Variants in SOX5 observed in about 807,000 individuals in gnomAD.
SOX5 encodes transcription factor SOX-5.
A neutral mutation model predicts 92.0 loss-of-function variants in SOX5; 9 were observed. The ratio of observed to expected loss-of-function variants is 0.10; its 90% CI spans 0.06 to 0.17. SOX5 has a LOEUF of 0.17. Ranked by LOEUF, SOX5 falls within the 10% of genes least tolerant of loss-of-function variation. The probability of loss-of-function intolerance (pLI) is 1.00; values close to 1 mark genes in which losing one functional copy is unlikely to be tolerated. For synonymous variants in SOX5, 344 were observed against 336.3 expected (o/e 1.02, Z -0.25); for missense variants, 642 against 944.5 (o/e 0.68, Z 4.20).
intron 13 of SOX5, among the ~76,000 whole-genome samples, chr12:23,540,041 C>T (rs1941583588): frequency 6.6e-6 from 1 of 151,142 alleles, no homozygotes; most frequent in Non-Finnish European, 1.5e-5. Context: ...TGTTAACTAA[C>T]CCCTGAAACA....
intron 1 of SOX5, among the ~76,000 whole-genome samples, chr12:24,558,753 T>A (rs990835969): frequency 2.0e-5 from 3 of 152,202 alleles, no homozygotes; most frequent in African/African-American, 7.2e-5. Flanking sequence ...TTATTTACGT[T>A]ACATCACACA....
chr12:24,002,765 A>G (rs898883787), intron 4 of SOX5, among the ~76,000 whole-genome samples: 4 of 152,162 alleles, frequency 2.6e-5, no homozygotes, highest in Non-Finnish European at 5.9e-5. Flanking sequence ...AAACAGTACC[A>G]GTTCTTCATA....
chr12:24,024,789 A>T (rs1286806585), intron 4 of SOX5, among the ~76,000 whole-genome samples: 1 of 152,016 alleles, frequency 6.6e-6, no homozygotes, highest in Non-Finnish European at 1.5e-5. Flanking sequence ...TGTAACTCTG[A>T]GTACTCAGAA....
chr12:24,303,004 C>T (rs754649662), intron 2 of SOX5, among the ~76,000 whole-genome samples: 15 of 151,972 alleles, frequency 9.9e-5, no homozygotes, highest in African/African-American at 1.4e-4. Context: ...AATTTAAAAG[C>T]ACACCAAGAT....
chr12:23,853,305 T>C (rs2096653005), intron 2 of SOX5, among the ~76,000 whole-genome samples: 1 of 151,434 alleles, frequency 6.6e-6, no homozygotes, highest in South Asian at 2.1e-4. Flanking sequence ...TTTTTAGAAA[T>C]GCACCAACAT....
intron 1 of SOX5, among the ~76,000 whole-genome samples, chr12:23,935,658 C>T (rs1195832759): frequency 1.3e-5 from 2 of 151,034 alleles, no homozygotes; most frequent in Non-Finnish European, 3.0e-5. Context: ...CACCATCCAG[C>T]ATATCACCTT....
chr12:23,685,576 A>G (rs1178136834), intron 6 of SOX5, among the ~76,000 whole-genome samples: 3 of 152,100 alleles, frequency 2.0e-5, no homozygotes. Flanking sequence ...TTAGTCTAGT[A>G]AGAACCTTAC....
chr12:24,517,708 T>G (rs1394248980), intron 1 of SOX5, among the ~76,000 whole-genome samples: 2 of 151,904 alleles, frequency 1.3e-5, no homozygotes, highest in Admixed American at 6.6e-5. Context: ...TCCATGTTTT[T>G]TTTTTTTTTT....
chr12:23,579,873 A>G (rs1366005041), intron 9 of SOX5, among the ~76,000 whole-genome samples: 1 of 152,134 alleles, frequency 6.6e-6, no homozygotes, highest in Non-Finnish European at 1.5e-5. Flanking sequence ...ACCATCAAGC[A>G]GTGAGCAAAG....
intron 4 of SOX5, among the ~76,000 whole-genome samples, chr12:24,051,490 A>G (rs936913248): frequency 1.3e-5 from 2 of 152,226 alleles, no homozygotes; most frequent in Non-Finnish European, 2.9e-5. Context: ...ATTAAAGAAT[A>G]ATACACCATA....
At chr12:24,044,206 C>T (rs1466004451) in intron 4 of SOX5, among the ~76,000 whole-genome samples, 1 of 152,156 alleles carries the variant, frequency 6.6e-6, no homozygotes, top group Non-Finnish European at 1.5e-5. Context: ...CAATTTTATA[C>T]TAAGAACCTC....
At chr12:24,160,111 A>G (rs996824012) in intron 4 of SOX5, among the ~76,000 whole-genome samples, 4 of 152,018 alleles carry the variant, frequency 2.6e-5, no homozygotes, top group African/African-American at 7.2e-5. Context: ...ACATGCCACT[A>G]TTTTCTGTTA....
Position 23,846,056 on chromosome 12 carries a change from C to T in SOX5, c.408G>A (p.Lys136=). 1 of 1,614,176 alleles carries T rather than the reference C, an allele frequency of 6.2e-7. No individual in the cohort carries two copies. The highest frequency in any genetic ancestry group is 8.5e-7 in the Non-Finnish European group (1 of 1,180,016). ...STALGTPERR[K]GSLADVVDTL... is the part of the protein sequence containing the mutation. ...TGTCAACAACATCAGCTAAACTGCC[C>T]TTGCGCCGTTCAGGAGTTCCCAGGG... The change falls in exon 3 of 15, where the codon AAG becomes AAA. Residue 136 remains lysine (K), a synonymous_variant. Coordinates refer to ENST00000451604, the MANE Select transcript of SOX5 (RefSeq NM_006940.6).
chr12:24,229,788 G>A (rs1433048966), intron 3 of SOX5, among the ~76,000 whole-genome samples: 1 of 152,116 alleles, frequency 6.6e-6, no homozygotes, highest in Non-Finnish European at 1.5e-5. Flanking sequence ...AGGCTGGGCA[G>A]GAAAAAGACC....
intron 1 of SOX5, among the ~76,000 whole-genome samples, chr12:24,385,017 T>TGA (rs144729275): frequency 0.027 from 4,129 of 150,586 alleles, 84 homozygotes; most frequent in Non-Finnish European, 0.038. Flanking sequence ...TAAGATATTT[T>TGA]GAGAGAGAGA....
At chr12:23,682,999 TTGCA>T (rs2086880170) in intron 6 of SOX5, among the ~76,000 whole-genome samples, 1 of 151,896 alleles carries the variant, frequency 6.6e-6, no homozygotes, top group African/African-American at 2.4e-5. Flanking sequence ...GCAAAAATTA[TTGCA>T]TATTTTAATG....
At chr12:23,722,970 G>T (rs1021593654) in intron 6 of SOX5, among the ~76,000 whole-genome samples, 1 of 152,076 alleles carries the variant, frequency 6.6e-6, no homozygotes, top group African/African-American at 2.4e-5. Context: ...AATTAGGGGC[G>T]GATGAAGATA....
At chr12:24,315,276 T>G (rs1949592437) in intron 2 of SOX5, among the ~76,000 whole-genome samples, 1 of 152,224 alleles carries the variant, frequency 6.6e-6, no homozygotes, top group South Asian at 2.1e-4. Flanking sequence ...TAGCTGAATT[T>G]GGGTAAGAAT....
chr12:23,815,865 T>A (rs1259987313), intron 3 of SOX5, among the ~76,000 whole-genome samples: 1 of 152,198 alleles, frequency 6.6e-6, no homozygotes, highest in Non-Finnish European at 1.5e-5. Flanking sequence ...GCAAATTTTA[T>A]CTATAAAGGG....
Sources: gnomAD v4.1 joint callset for allele counts (sites outside exome capture counted in the v4.1 genomes callset) on GRCh38, gnomAD v4.1.1 for gene constraint, MANE v1.5 for transcripts, NCBI Gene and HGNC (gene_info 2026-07-23, HGNC 2026-07-21) for gene names.